ABTB3: variants seen among roughly 807,000 people sequenced by gnomAD.
The protein encoded by ABTB3 is ankyrin repeat- and BTB/POZ domain-containing protein 3.
the ABTB3 span, among the ~76,000 whole-genome samples, chr12:107,528,111 G>A: frequency 6.6e-6 from 1 of 152,154 alleles, no homozygotes; most frequent in Non-Finnish European, 1.5e-5. Context: ...GGCAGAAGGA[G>A]CCCACCATTG....
the ABTB3 span, chr12:107,544,026 A>G: frequency 6.2e-7 from 1 of 1,613,786 alleles, no homozygotes; most frequent in Non-Finnish European, 8.5e-7. Context: ...AGCAGGGGGC[A>G]CTGTACTGGG....
At chr12:107,512,656 T>G in the ABTB3 span, among the ~76,000 whole-genome samples, 1 of 152,218 alleles carries the variant, frequency 6.6e-6, no homozygotes, top group African/African-American at 2.4e-5. Context: ...GCTGAGTGGC[T>G]AAGAGATTGA....
At chr12:107,652,549 A>G in the ABTB3 span, among the ~76,000 whole-genome samples, 2 of 152,196 alleles carry the variant, frequency 1.3e-5, no homozygotes, top group Non-Finnish European at 2.9e-5. Flanking sequence ...CTGCTTAATC[A>G]GGCAGACCCA....
the ABTB3 span, among the ~76,000 whole-genome samples, chr12:107,332,114 G>T: frequency 6.6e-6 from 1 of 152,242 alleles, no homozygotes; most frequent in Admixed American, 6.5e-5. Flanking sequence ...TGCATGGGAA[G>T]GCGTCACTTG....
the ABTB3 span, among the ~76,000 whole-genome samples, chr12:107,465,830 G>A: frequency 5.9e-5 from 9 of 152,154 alleles, no homozygotes; most frequent in South Asian, 2.1e-4. Flanking sequence ...ACACACAGTC[G>A]CGTGCTCTCT....
chr12:107,378,930 A>C, the ABTB3 span, among the ~76,000 whole-genome samples: 4 of 152,198 alleles, frequency 2.6e-5, no homozygotes, highest in Non-Finnish European at 2.9e-5. Flanking sequence ...CTTTTGTAGC[A>C]CAGAGTAACA....
the ABTB3 span, among the ~76,000 whole-genome samples, chr12:107,470,280 C>T: frequency 6.6e-6 from 1 of 152,026 alleles, no homozygotes; most frequent in African/African-American, 2.4e-5. Context: ...CTCAAGTGAT[C>T]CACCCGCCTT....
the ABTB3 span, among the ~76,000 whole-genome samples, chr12:107,349,978 C>T: frequency 4.0e-4 from 61 of 152,264 alleles, no homozygotes; most frequent in African/African-American, 1.2e-3. Flanking sequence ...TCAAATACCC[C>T]GGTGACTGTG....
chr12:107,491,454 G>T, the ABTB3 span, among the ~76,000 whole-genome samples: 1 of 152,300 alleles, frequency 6.6e-6, no homozygotes, highest in East Asian at 1.9e-4. Context: ...AACTGGGGCT[G>T]CAAAGGAAGG....
the ABTB3 span, among the ~76,000 whole-genome samples, chr12:107,493,189 C>G: frequency 6.6e-6 from 1 of 152,158 alleles, no homozygotes; most frequent in African/African-American, 2.4e-5. Flanking sequence ...GGCCTCCCCA[C>G]TCAGGGTCCT....
chr12:107,588,562 C>G, the ABTB3 span, among the ~76,000 whole-genome samples: 1 of 152,082 alleles, frequency 6.6e-6, no homozygotes, highest in Non-Finnish European at 1.5e-5. Flanking sequence ...GCTCTGTCAC[C>G]CAAGCTGGAG....
chr12:107,519,568 C>T, the ABTB3 span, among the ~76,000 whole-genome samples: 9 of 152,124 alleles, frequency 5.9e-5, no homozygotes, highest in African/African-American at 2.2e-4. Context: ...TCTGCCTTCC[C>T]TGGCCTCCCA....
At chr12:107,543,938 A>G in the ABTB3 span, 1 of 1,612,198 alleles carries the variant, frequency 6.2e-7, no homozygotes, top group South Asian at 1.1e-5. Context: ...TCCACAGGTG[A>G]CCTGGTGTCC....
the ABTB3 span, among the ~76,000 whole-genome samples, chr12:107,546,366 G>T: frequency 6.6e-6 from 1 of 152,062 alleles, no homozygotes; most frequent in Non-Finnish European, 1.5e-5. Context: ...TTCTCCCCAG[G>T]CTCTAAGAAT....
chr12:107,441,931 C>A, the ABTB3 span, among the ~76,000 whole-genome samples: 1 of 151,966 alleles, frequency 6.6e-6, no homozygotes, highest in Non-Finnish European at 1.5e-5. Context: ...CAGAGTTAGA[C>A]CCTGTCTCAG....
chr12:107,367,464 GCT>G, the ABTB3 span, among the ~76,000 whole-genome samples: 29 of 151,646 alleles, frequency 1.9e-4, no homozygotes, highest in African/African-American at 6.1e-4. Context: ...TTATGCAAGG[GCT>G]CTCTCTCTCA....
At chr12:107,612,214 A>G in the ABTB3 span, among the ~76,000 whole-genome samples, 1 of 152,204 alleles carries the variant, frequency 6.6e-6, no homozygotes, top group African/African-American at 2.4e-5. Flanking sequence ...AGCAAGAGTC[A>G]TTGGTGCATC....
the ABTB3 span, among the ~76,000 whole-genome samples, chr12:107,355,650 C>T: frequency 6.6e-6 from 1 of 152,124 alleles, no homozygotes; most frequent in Non-Finnish European, 1.5e-5. Context: ...GAAATTGCAT[C>T]TAACAGGTTT....
chr12:107,625,183 T>C, the ABTB3 span, among the ~76,000 whole-genome samples: 4 of 152,360 alleles, frequency 2.6e-5, no homozygotes, highest in East Asian at 7.7e-4. Context: ...ATGAATTGTT[T>C]GCATTTCTAC....
Sources: gnomAD v4.1 joint callset for allele counts (sites outside exome capture counted in the v4.1 genomes callset) on GRCh38, gnomAD v4.1.1 for gene constraint, MANE v1.5 for transcripts, NCBI Gene and HGNC (gene_info 2026-07-23, HGNC 2026-07-21) for gene names.